XRCC5: variants seen among roughly 807,000 people sequenced by gnomAD.
XRCC5 encodes DNA repair protein Ku80.
A neutral mutation model predicts 95.7 loss-of-function variants in XRCC5; 12 were observed. The ratio of observed to expected loss-of-function variants is 0.13; its 90% CI spans 0.08 to 0.20. XRCC5 has a LOEUF of 0.20. XRCC5 is among the 10% of genes least tolerant of loss of function. XRCC5 has a pLI of 1.00. For missense variants in XRCC5, 595 were observed against 873.9 expected (o/e 0.68, Z 4.02); for synonymous variants, 281 against 290.3 (o/e 0.97, Z 0.33).
rs1214841499 is a variant in XRCC5, at chr2:216,196,541, C to CAT, written c.2109+1563_2109+1564dup. On this transcript the variant is annotated intron_variant, in intron 19 of 20. Transcript: ENST00000392132. ...GTGTGTGTATGCACATACACACACA[C>CAT]ATATATATAGAGAGAGAGATTTATT... 1.6e-4 allele frequency among the ~76,000 whole-genome samples: 24 copies of CAT among 152,256 alleles called. No individual in the cohort carries two copies. In the East Asian group the frequency reaches 3.5e-3, roughly 22 times the overall value.
intron 20 of XRCC5, among the ~76,000 whole-genome samples, chr2:216,204,617 TC>T (rs1689907376): frequency 6.6e-6 from 1 of 152,200 alleles, no homozygotes; most frequent in South Asian, 2.1e-4. Context: ...GCTATATTGT[TC>T]ATTCAGATTA....
At chr2:216,160,532 T>G (rs992147295) in intron 15 of XRCC5, among the ~76,000 whole-genome samples, 1 of 152,140 alleles carries the variant, frequency 6.6e-6, no homozygotes, top group Non-Finnish European at 1.5e-5. Flanking sequence ...TTTAAGTTAG[T>G]ATAACTTTCC....
At chr2:216,158,658 C>T (rs1026682046) in intron 14 of XRCC5, among the ~76,000 whole-genome samples, 1 of 152,120 alleles carries the variant, frequency 6.6e-6, no homozygotes, top group Non-Finnish European at 1.5e-5. Context: ...TGTAATGTTT[C>T]CTGGTTCCCA....
rs770918939 is a variant in XRCC5 at position 216,137,249 on chromosome 2, A to T, written c.1251+24A>T. 5 of 1,595,314 alleles carry T rather than the reference A, an allele frequency of 3.1e-6. No homozygotes were observed. The African/African-American group carries it at 4.1e-5, about 13-fold the overall frequency. On this transcript the variant is annotated intron_variant, in intron 11 of 20. Coordinates refer to ENST00000392132, the MANE Select transcript of XRCC5 (RefSeq NM_021141.4). Reference sequence around the variant, plus strand: ...AGGTAAAACCCAAAGTCTTAATGTTATTTTTTTTCTTCAGTTCCTTTATTC... The same window carrying T: ...AGGTAAAACCCAAAGTCTTAATGTTTTTTTTTTTCTTCAGTTCCTTTATTC...
At chr2:216,113,274 A>G (rs1696626178) in intron 2 of XRCC5, 145 bp downstream of exon 2, 2 of 619,432 alleles carry the variant, frequency 3.2e-6, no homozygotes, top group Non-Finnish European at 5.6e-6. Context: ...ATGTACTCAC[A>G]TACAACTTCA....
intron 16 of XRCC5, among the ~76,000 whole-genome samples, chr2:216,180,825 T>C (rs1689371959): frequency 6.6e-6 from 1 of 151,722 alleles, no homozygotes; most frequent in South Asian, 2.1e-4. Flanking sequence ...TTTTTTTTTT[T>C]TTCCGAGATG....
chr2:216,146,238 A>T (rs1209729802), intron 13 of XRCC5, among the ~76,000 whole-genome samples: 1 of 152,212 alleles, frequency 6.6e-6, no homozygotes, highest in East Asian at 1.9e-4. Context: ...GAGCAGGGAG[A>T]AGCGCATGGA....
chr2:216,118,062 T>G (rs898078109), intron 4 of XRCC5, among the ~76,000 whole-genome samples: 1 of 152,182 alleles, frequency 6.6e-6, no homozygotes, highest in African/African-American at 2.4e-5. Flanking sequence ...CTTAAGCTGA[T>G]TACCAGGAAT....
intron 14 of XRCC5, among the ~76,000 whole-genome samples, chr2:216,151,403 T>C (rs1443926889): frequency 6.6e-6 from 1 of 152,244 alleles, no homozygotes; most frequent in African/African-American, 2.4e-5. Flanking sequence ...TTTCTGTTTA[T>C]GCAGGTGGTC....
intron 14 of XRCC5, among the ~76,000 whole-genome samples, chr2:216,158,155 C>T (rs776846657): frequency 1.3e-5 from 2 of 152,138 alleles, no homozygotes; most frequent in African/African-American, 2.4e-5. Flanking sequence ...TCATATTCCC[C>T]CACAACTTAG....
At chr2:216,160,612 T>C (rs1285882607) in intron 15 of XRCC5, among the ~76,000 whole-genome samples, 1 of 152,148 alleles carries the variant, frequency 6.6e-6, no homozygotes, top group East Asian at 1.9e-4. Flanking sequence ...TATCCTTTGA[T>C]ACATGAGATT....
At position 216,160,234 on chromosome 2, in the gene XRCC5, T is replaced by C. The variant is rs533980356; in HGVS notation, c.1764+73T>C. ...GGCTTGAGGGAGAGTGCATCAATTTTTGTTAGTCCGTTCTTACCACTTTCA... is the reference window on the plus strand; with the variant it reads ...GGCTTGAGGGAGAGTGCATCAATTTCTGTTAGTCCGTTCTTACCACTTTCA... On this transcript the variant is annotated intron_variant, in intron 15 of 20. Transcript: ENST00000392132. 2.2e-5 allele frequency: 22 copies of C among 1,016,692 alleles called. 1 individual carries two copies. The African/African-American group carries it at 3.3e-4, about 15-fold the overall frequency. 63.0% of individuals were successfully genotyped at this position (1,016,692 alleles called of 1,614,324 possible).
intron 2 of XRCC5, among the ~76,000 whole-genome samples, chr2:216,113,966 T>A (rs1201973897): frequency 6.6e-6 from 1 of 152,050 alleles, no homozygotes; most frequent in East Asian, 1.9e-4. Flanking sequence ...GGAGGAGAAT[T>A]AGACTCCCTC....
intron 10 of XRCC5, among the ~76,000 whole-genome samples, chr2:216,135,693 G>A (rs1041107776): frequency 6.6e-6 from 1 of 152,036 alleles, no homozygotes; most frequent in African/African-American, 2.4e-5. Context: ...CAGCTACTCG[G>A]GAGGCTGAGG....
At chr2:216,147,252 C>T (rs1017078038) in intron 13 of XRCC5, among the ~76,000 whole-genome samples, 5 of 152,098 alleles carry the variant, frequency 3.3e-5, no homozygotes, top group Admixed American at 6.5e-5. Flanking sequence ...TAAGCCCAGG[C>T]CCCAAAGTTA....
At chr2:216,123,649 T>TA (rs1162484346) in intron 6 of XRCC5, among the ~76,000 whole-genome samples, 3 of 152,038 alleles carry the variant, frequency 2.0e-5, no homozygotes, top group East Asian at 3.9e-4. Context: ...CTACTAAAAA[T>TA]AAAAAAATTA....
chr2:216,132,435 AAGTCT>A lies in XRCC5; in HGVS notation c.1113+50_1113+54del, dbSNP rs777735306. ...AGGTAGTGCTACAGAATTGAATTGT[AAGTCT>A]ATGAAAGCAAGTTGTTTGGGGCTTT... On this transcript the variant is annotated intron_variant, in intron 10 of 20. Transcript: ENST00000392132. 13 of 1,576,972 alleles carry A rather than the reference AAGTCT, an allele frequency of 8.2e-6. 1 individual carries two copies. In the South Asian group the frequency reaches 1.3e-4, roughly 16 times the overall value.
chr2:216,158,319 C>T (rs1315128515), intron 14 of XRCC5, among the ~76,000 whole-genome samples: 1 of 152,180 alleles, frequency 6.6e-6, no homozygotes, highest in Non-Finnish European at 1.5e-5. Context: ...AGACTCTAAA[C>T]TCTAGATAGA....
chr2:216,162,746 G>A (rs1458052094), intron 16 of XRCC5, among the ~76,000 whole-genome samples: 1 of 152,004 alleles, frequency 6.6e-6, no homozygotes, highest in Admixed American at 6.6e-5. Context: ...AAGAGTTTGT[G>A]GCCCATTTAT....
Sources: gnomAD v4.1 joint callset for allele counts (sites outside exome capture counted in the v4.1 genomes callset) on GRCh38, gnomAD v4.1.1 for gene constraint, MANE v1.5 for transcripts, NCBI Gene and HGNC (gene_info 2026-07-23, HGNC 2026-07-21) for gene names.